IMMP2L: variants seen among roughly 807,000 people sequenced by gnomAD.
IMMP2L encodes mitochondrial inner membrane protease subunit 2.
IMMP2L carries 18 observed loss-of-function variants against 19.3 expected under a neutral mutation model. That is an observed-to-expected ratio of 0.93 (90% CI 0.64 to 1.38). The LOEUF (loss-of-function observed/expected upper bound fraction) is 1.38. IMMP2L is among the 40% of genes most tolerant of loss of function. IMMP2L has a pLI of 0.00. For synonymous variants in IMMP2L, 76 were observed against 73.0 expected (o/e 1.04, Z -0.21); for missense variants, 233 against 218.2 (o/e 1.07, Z -0.43).
At chr7:110,778,260 T>A (rs919483797) in intron 5 of IMMP2L, among the ~76,000 whole-genome samples, 1 of 151,964 alleles carries the variant, frequency 6.6e-6, no homozygotes, top group Non-Finnish European at 1.5e-5. Flanking sequence ...TTTTTACATA[T>A]GTGACCAAAT....
At chr7:110,989,788 G>A (rs1822262621) in intron 3 of IMMP2L, among the ~76,000 whole-genome samples, 1 of 151,510 alleles carries the variant, frequency 6.6e-6, no homozygotes. Context: ...CATATCTGAT[G>A]GGCAAATGTT....
chr7:110,920,428 C>T (rs544211933), intron 4 of IMMP2L, among the ~76,000 whole-genome samples: 6 of 152,274 alleles, frequency 3.9e-5, no homozygotes, highest in Admixed American at 1.3e-4. Context: ...AATTAGGGAA[C>T]ATTTCACAGA....
intron 2 of IMMP2L, among the ~76,000 whole-genome samples, chr7:111,500,310 G>T (rs910360624): frequency 1.5e-4 from 23 of 152,280 alleles, no homozygotes; most frequent in African/African-American, 5.3e-4. Flanking sequence ...CAGCCCTGAA[G>T]CTCGAACTAC....
At chr7:110,996,990 T>A (rs1179967997) in intron 3 of IMMP2L, among the ~76,000 whole-genome samples, 1 of 152,126 alleles carries the variant, frequency 6.6e-6, no homozygotes, top group African/African-American at 2.4e-5. Flanking sequence ...TTATTACACA[T>A]GTAGATTCAT....
intron 3 of IMMP2L, among the ~76,000 whole-genome samples, chr7:111,189,098 C>T (rs1361865390): frequency 6.6e-6 from 1 of 152,076 alleles, no homozygotes; most frequent in African/African-American, 2.4e-5. Context: ...TCTAGAGGCA[C>T]CACAGCCAAA....
At chr7:110,687,722 A>G (rs1359441362) in intron 5 of IMMP2L, among the ~76,000 whole-genome samples, 1 of 152,124 alleles carries the variant, frequency 6.6e-6, no homozygotes, top group Non-Finnish European at 1.5e-5. Context: ...AAATAATTCT[A>G]CTTATTTCTT....
chr7:111,258,297 T>A (rs2073501429), intron 3 of IMMP2L, among the ~76,000 whole-genome samples: 1 of 151,950 alleles, frequency 6.6e-6, no homozygotes, highest in African/African-American at 2.4e-5. Flanking sequence ...CAGAGTACAA[T>A]GTACATACTT....
At chr7:111,349,987 G>A (rs993746531) in intron 3 of IMMP2L, among the ~76,000 whole-genome samples, 9 of 146,168 alleles carry the variant, frequency 6.2e-5, no homozygotes, top group Non-Finnish European at 1.3e-4. Context: ...TTTTTTTTGA[G>A]ACGGAGTTTA....
In IMMP2L at chr7:111,385,700, A is replaced by T. The variant is rs545643002; in HGVS notation, c.239+101538T>A. Among the ~76,000 whole-genome samples, 5 of 152,248 alleles carry T rather than the reference A, an allele frequency of 3.3e-5. No homozygotes were observed. The South Asian group carries it at 8.3e-4, about 25-fold the overall frequency. ...TTACTTGGCTGTCATAAGACAGAAA[A>T]TGAGCTGCCATAAGAAAAGCTGATG... On this transcript the variant is annotated intron_variant, in intron 3 of 5. Coordinates refer to ENST00000405709, the MANE Select transcript of IMMP2L (RefSeq NM_032549.4).
chr7:111,071,571 G>C (rs1380190266), intron 3 of IMMP2L, among the ~76,000 whole-genome samples: 1 of 152,140 alleles, frequency 6.6e-6, no homozygotes, highest in Non-Finnish European at 1.5e-5. Context: ...AAGAAGTACT[G>C]ATTCATGCTA....
intron 3 of IMMP2L, among the ~76,000 whole-genome samples, chr7:111,482,048 A>T (rs572803272): frequency 1.3e-5 from 2 of 152,320 alleles, no homozygotes; most frequent in African/African-American, 4.8e-5. Flanking sequence ...TGGAAGAAAA[A>T]GAGGAAAAAG....
At chr7:110,812,792 G>A (rs1802137819) in intron 5 of IMMP2L, among the ~76,000 whole-genome samples, 1 of 151,908 alleles carries the variant, frequency 6.6e-6, no homozygotes, top group Non-Finnish European at 1.5e-5. Flanking sequence ...ACTAAGAACA[G>A]GACACTCATT....
chr7:111,364,834 G>T, intron 3 of IMMP2L, among the ~76,000 whole-genome samples: 1 of 151,554 alleles, frequency 6.6e-6, no homozygotes, highest in South Asian at 2.1e-4. Flanking sequence ...AGCCAGGTGT[G>T]GTGGCAGGCG....
intron 5 of IMMP2L, among the ~76,000 whole-genome samples, chr7:110,669,089 G>A (rs1404924): frequency 0.53 from 73,528 of 139,588 alleles, 19,877 homozygotes; most frequent in African/African-American, 0.66. Context: ...GTGTGTGTGT[G>A]TATATGTATA....
intron 3 of IMMP2L, among the ~76,000 whole-genome samples, chr7:111,218,897 T>C (rs1311117325): frequency 1.3e-5 from 2 of 151,988 alleles, no homozygotes; most frequent in Non-Finnish European, 2.9e-5. Flanking sequence ...CCTCTTCTAA[T>C]ACAAAATAAT....
intron 3 of IMMP2L, among the ~76,000 whole-genome samples, chr7:111,082,784 A>G (rs899016995): frequency 6.6e-6 from 1 of 151,702 alleles, no homozygotes; most frequent in Admixed American, 6.6e-5. Flanking sequence ...AAGTGCTCTT[A>G]ATGGCGAGGG....
chr7:110,876,698 G>A (rs1000206186), intron 5 of IMMP2L, among the ~76,000 whole-genome samples: 1 of 151,972 alleles, frequency 6.6e-6, no homozygotes, highest in African/African-American at 2.4e-5. Context: ...TACCACCTTT[G>A]CCTAATGCCT....
intron 3 of IMMP2L, among the ~76,000 whole-genome samples, chr7:110,996,379 G>T (rs541640384): frequency 6.6e-6 from 1 of 151,464 alleles, no homozygotes; most frequent in African/African-American, 2.4e-5. Flanking sequence ...GAGAACGAGA[G>T]GGGGGTTGGC....
At chr7:111,085,718 A>G (rs1253507123) in intron 3 of IMMP2L, among the ~76,000 whole-genome samples, 1 of 152,214 alleles carries the variant, frequency 6.6e-6, no homozygotes, top group Non-Finnish European at 1.5e-5. Flanking sequence ...CACAACAGCA[A>G]AGATATGAAA....
Sources: gnomAD v4.1 joint callset for allele counts (sites outside exome capture counted in the v4.1 genomes callset) on GRCh38, gnomAD v4.1.1 for gene constraint, MANE v1.5 for transcripts, NCBI Gene and HGNC (gene_info 2026-07-23, HGNC 2026-07-21) for gene names.